Variants in TFG observed in about 807,000 individuals in gnomAD.
TFG encodes the protein trafficking from ER to golgi regulator.
Under a neutral mutation model 51.4 loss-of-function variants are expected in TFG, and 22 were observed. The observed-to-expected ratio is 0.43, with a 90% CI of 0.31 to 0.61. The LOEUF is 0.61. Ranked by LOEUF, TFG falls within the 20% of genes least tolerant of loss-of-function variation. The probability of loss-of-function intolerance (pLI) is 0.12; values close to 1 mark genes in which losing one functional copy is unlikely to be tolerated. For missense variants in TFG, 419 were observed against 487.7 expected (o/e 0.86, Z 1.33); for synonymous variants, 187 against 165.6 (o/e 1.13, Z -0.99).
intron 1 of TFG, among the ~76,000 whole-genome samples, chr3:100,710,712 AG>A (rs1481231110): frequency 6.6e-6 from 1 of 152,136 alleles, no homozygotes; most frequent in Non-Finnish European, 1.5e-5. Context: ...TACCTGGTAG[AG>A]GGTTATATTA....
At chr3:100,732,423 C>A in intron 4 of TFG, 85 bp from the exon 5 acceptor site, 2 of 870,194 alleles carry the variant, frequency 2.3e-6, no homozygotes, top group Non-Finnish European at 3.6e-6. Context: ...CATTATACAC[C>A]TGCATTATTT....
chr3:100,713,531 A>G (rs570781818), intron 1 of TFG, 112 bp from the exon 2 acceptor site: 3 of 441,404 alleles, frequency 6.8e-6, no homozygotes, highest in Non-Finnish European at 1.2e-5. Flanking sequence ...ATATGGTAAC[A>G]TGGGGATAAT....
intron 6 of TFG, among the ~76,000 whole-genome samples, chr3:100,737,094 T>TA (rs141678323): frequency 1.3e-5 from 2 of 152,172 alleles, no homozygotes; most frequent in African/African-American, 2.4e-5. Context: ...TTTTCTAATT[T>TA]AAAAAAGATT....
intron 3 of TFG, among the ~76,000 whole-genome samples, chr3:100,728,188 T>G (rs1172075007): frequency 6.6e-6 from 1 of 152,144 alleles, no homozygotes; most frequent in East Asian, 1.9e-4. Context: ...AGTTAGCTGT[T>G]TTTTTTCAAG....
chr3:100,732,176 T>C (rs537963070), intron 4 of TFG, among the ~76,000 whole-genome samples: 1 of 151,750 alleles, frequency 6.6e-6, no homozygotes, highest in Admixed American at 6.5e-5. Flanking sequence ...ATATAGGTTA[T>C]TGGGCTCCAA....
intron 6 of TFG, among the ~76,000 whole-genome samples, chr3:100,742,320 G>A (rs1042922523): frequency 6.6e-6 from 1 of 152,096 alleles, no homozygotes; most frequent in African/African-American, 2.4e-5. Flanking sequence ...AGTAAGTTGA[G>A]TTCCTACAGC....
chr3:100,712,086 A>C (rs1404634219), intron 1 of TFG, among the ~76,000 whole-genome samples: 1 of 152,126 alleles, frequency 6.6e-6, no homozygotes, highest in Non-Finnish European at 1.5e-5. Context: ...TTGACCTTAG[A>C]GTGTTATATT....
chr3:100,727,793 C>A (rs1335590635), intron 3 of TFG, among the ~76,000 whole-genome samples: 1 of 152,124 alleles, frequency 6.6e-6, no homozygotes, highest in Non-Finnish European at 1.5e-5. Context: ...GAAGGACAGT[C>A]ATGATGTAGA....
intron 5 of TFG, among the ~76,000 whole-genome samples, chr3:100,734,460 C>A (rs990878436): frequency 6.6e-6 from 1 of 152,180 alleles, no homozygotes; most frequent in Non-Finnish European, 1.5e-5. Context: ...AAATCTTCAG[C>A]TGCTTGTCTA....
At chr3:100,737,660 T>G (rs533383804) in intron 6 of TFG, among the ~76,000 whole-genome samples, 7 of 152,282 alleles carry the variant, frequency 4.6e-5, no homozygotes, top group African/African-American at 1.7e-4. Context: ...AGCAAGTGAT[T>G]AAGGTTATCA....
chr3:100,718,777 C>T (rs532820351), intron 2 of TFG, among the ~76,000 whole-genome samples: 89 of 152,018 alleles, frequency 5.9e-4, no homozygotes, highest in South Asian at 8.3e-4. Flanking sequence ...AGGCTGGTCT[C>T]GAACTCCTGA....
At position 100,713,764 on chromosome 3, in the gene TFG, C is replaced by A. The variant is rs2095037537; in HGVS notation, c.79C>A (p.His27Asn). The part of the protein sequence containing the change: ...LGEDIRRIPI[H>N]NEDITYDELV... Reference sequence around the variant, plus strand: ...GGAGGATATTCGGCGAATTCCTATTCATAATGAAGATATTACTTATGATGA... The same window carrying A: ...GGAGGATATTCGGCGAATTCCTATTAATAATGAAGATATTACTTATGATGA... Residue 27 changes from histidine (H) to asparagine (N), a missense_variant, in exon 2 of 8, where the codon CAT becomes AAT. Around this residue, in one of 3 missense-constraint regions of TFG, gnomAD observed 6 missense variants for 25.8 expected, o/e 0.23. Coordinates refer to ENST00000240851, the MANE Select transcript of TFG (RefSeq NM_006070.6). 1 of 1,610,500 alleles carries A rather than the reference C, an allele frequency of 6.2e-7. No individual in the cohort carries two copies. The highest frequency in any genetic ancestry group is 1.7e-5 in the Admixed American group (1 of 59,910).
intron 1 of TFG, among the ~76,000 whole-genome samples, chr3:100,713,220 G>T (rs1334901558): frequency 6.6e-6 from 1 of 152,160 alleles, no homozygotes; most frequent in East Asian, 1.9e-4. Context: ...GGACCCCAGA[G>T]TTATTTTAAA....
chr3:100,740,028 G>C (rs1296758978), intron 6 of TFG, among the ~76,000 whole-genome samples: 1 of 152,038 alleles, frequency 6.6e-6, no homozygotes, highest in Non-Finnish European at 1.5e-5. Context: ...AAATTGACTT[G>C]TTCAAATGAG....
chr3:100,736,504 A>G lies in TFG; in HGVS notation c.581-72A>G, dbSNP rs189319922. 7.1e-6 allele frequency: 11 copies of G among 1,554,352 alleles called. No individual in the cohort carries two copies. In the African/African-American group the frequency reaches 1.5e-4, roughly 21 times the overall value. On this transcript the variant is annotated intron_variant, in intron 5 of 7. Transcript: ENST00000240851. The stretch of plus-strand genomic sequence containing the variant: ...TAGTACTTTTAGTATCTTTTAACCA[A>G]ACTTATTCCTTGAGCTTGCTGGGGG...
At chr3:100,715,839 G>A (rs1000934242) in intron 2 of TFG, among the ~76,000 whole-genome samples, 1 of 151,190 alleles carries the variant, frequency 6.6e-6, no homozygotes, top group Admixed American at 6.6e-5. Flanking sequence ...TGCCAACCCG[G>A]CCTCCCAAAG....
At chr3:100,726,409 A>G (rs565723610) in intron 3 of TFG, among the ~76,000 whole-genome samples, 11 of 140,756 alleles carry the variant, frequency 7.8e-5, no homozygotes, top group East Asian at 7.7e-4. Flanking sequence ...TCCTCTGGCA[A>G]CACCCTCACA....
intron 3 of TFG, among the ~76,000 whole-genome samples, chr3:100,728,304 A>G (rs1240285950): frequency 6.6e-6 from 1 of 151,760 alleles, no homozygotes; most frequent in Admixed American, 6.6e-5. Flanking sequence ...GTGAAATAAA[A>G]TGAGCTTTTT....
Position 100,748,727 on chromosome 3 carries a change from T to TA in TFG, c.*201dup. 1 of 595,950 alleles carries TA rather than the reference T, an allele frequency of 1.7e-6. No individual in the cohort carries two copies. Among genetic ancestry groups the TA allele is most frequent in the East Asian group, 2.9e-5 (1 of 33,936 alleles). The allele number at this position is 595,950 out of a possible 1,614,324, so 36.9% of individuals were successfully genotyped here. A position where few individuals can be genotyped will look rare whatever the true frequency, so the allele number is the denominator to read the frequency against. On this transcript the variant is annotated 3_prime_UTR_variant, in exon 8 of 8. Coordinates refer to ENST00000240851, the MANE Select transcript of TFG (RefSeq NM_006070.6). Reference sequence around the variant, plus strand: ...AAATGAAAGTTTTTTCCTCCCTGCTTAAAAATGTAGCAGCTTCTTAGTTAC... The same window carrying TA: ...AAATGAAAGTTTTTTCCTCCCTGCTTAAAAAATGTAGCAGCTTCTTAGTTAC...
Sources: allele counts gnomAD v4.1 joint callset (sites outside exome capture counted in the v4.1 genomes callset), GRCh38; gene constraint gnomAD v4.1.1; regional missense constraint gnomAD v4.1.1; transcripts MANE v1.5; gene names NCBI Gene and HGNC (gene_info 2026-07-23, HGNC 2026-07-21).